SEM1: variants seen among roughly 807,000 people sequenced by gnomAD.
SEM1 encodes SEM1 26S proteasome subunit, also known as 26S proteasome complex subunit SEM1.
Under a neutral mutation model 12.7 loss-of-function variants are expected in SEM1, and 3 were observed. The observed-to-expected ratio is 0.24, with a 90% CI of 0.11 to 0.61. The LOEUF is 0.61. Among genes scored for constraint, SEM1 ranks in the 20% least tolerant of loss-of-function variants. The pLI is 0.88. For synonymous variants in SEM1, 30 were observed against 27.8 expected, an observed-to-expected ratio of 1.08 and a Z score of -0.25; for missense variants, 59 against 81.3, an observed-to-expected ratio of 0.73 and a Z score of 1.06.
At chr7:96,579,275 T>G (rs1806307174) in intron 2 of SEM1, among the ~76,000 whole-genome samples, 1 of 152,222 alleles carries the variant, frequency 6.6e-6, no homozygotes, top group African/African-American at 2.4e-5. Context: ...TGTAGCTTAG[T>G]AATGATATTA....
chr7:96,505,075 T>C (rs1461340890), intron 3 of SEM1, among the ~76,000 whole-genome samples: 2 of 151,964 alleles, frequency 1.3e-5, no homozygotes, highest in Admixed American at 1.3e-4. Context: ...TGGTGGTTTG[T>C]ATTTCTATCA....
intron 2 of SEM1, among the ~76,000 whole-genome samples, chr7:96,579,227 T>C (rs766309605): frequency 1.3e-5 from 2 of 152,210 alleles, no homozygotes; most frequent in Non-Finnish European, 2.9e-5. Context: ...ATGGTGCCAG[T>C]CATTACTACC....
rs371204197 is a variant in SEM1 at position 96,529,873 on chromosome 7, C to A, written c.171-23175G>T. ...ATATGTAAAGGAAGAGCTTTCACTG[C>A]GGTACTAATGCATTCTGAATTACAG... On this transcript the variant is annotated intron_variant and NMD_transcript_variant, in intron 2 of 3. Transcript: ENST00000466986. 2.6e-5 allele frequency among the ~76,000 whole-genome samples: 4 copies of A among 152,180 alleles called. No individual in the cohort carries two copies. The South Asian group carries it at 8.3e-4, about 32-fold the overall frequency.
At chr7:96,641,581 A>G (rs1808610682) in intron 2 of SEM1, among the ~76,000 whole-genome samples, 1 of 152,030 alleles carries the variant, frequency 6.6e-6, no homozygotes, top group Admixed American at 6.6e-5. Context: ...TACCTGTGCA[A>G]ACACATTGTA....
chr7:96,540,581 G>A (rs1804914345), intron 2 of SEM1, among the ~76,000 whole-genome samples: 1 of 151,740 alleles, frequency 6.6e-6, no homozygotes, highest in African/African-American at 2.4e-5. Context: ...AGATACCTTT[G>A]TAAATCAATA....
At chr7:96,588,383 C>G (rs377237999) in intron 2 of SEM1, among the ~76,000 whole-genome samples, 20,383 of 112,054 alleles carry the variant, frequency 0.18, 1,485 homozygotes, top group Admixed American at 0.21. Flanking sequence ...CACACACACA[C>G]ACACACACAC....
intron 3 of SEM1, among the ~76,000 whole-genome samples, chr7:96,505,206 A>T (rs959739526): frequency 1.3e-5 from 2 of 152,006 alleles, no homozygotes; most frequent in East Asian, 3.9e-4. Flanking sequence ...GGTTGAAGAG[A>T]TTCTTCTGCC....
At chr7:96,598,057 G>T (rs1323155927) in intron 2 of SEM1, among the ~76,000 whole-genome samples, 1 of 152,058 alleles carries the variant, frequency 6.6e-6, no homozygotes, top group African/African-American at 2.4e-5. Context: ...GTTTTTGAAT[G>T]AATTATAATT....
At chr7:96,541,321 T>C (rs1489798311) in intron 2 of SEM1, among the ~76,000 whole-genome samples, 4 of 151,854 alleles carry the variant, frequency 2.6e-5, no homozygotes, top group Admixed American at 1.3e-4. Context: ...TGGTTTTTAT[T>C]TACTTCCTCT....
intron 2 of SEM1, among the ~76,000 whole-genome samples, chr7:96,522,057 C>T (rs773491646): frequency 3.9e-5 from 6 of 152,170 alleles, no homozygotes; most frequent in Non-Finnish European, 7.4e-5. Context: ...GTCTTTGTTT[C>T]CCCTCTTTTC....
intron 2 of SEM1, among the ~76,000 whole-genome samples, chr7:96,508,761 C>A (rs1803835163): frequency 6.6e-6 from 1 of 152,074 alleles, no homozygotes; most frequent in Non-Finnish European, 1.5e-5. Context: ...AAGAAAATCA[C>A]CCTCATTCCA....
downstream of SEM1, chr7:96,672,856 G>A (rs1241496096): frequency 6.6e-6 from 1 of 152,188 alleles, no homozygotes; most frequent in Admixed American, 6.5e-5. Context: ...GAGTAGTATA[G>A]TGGCCAAAAA....
At chr7:96,556,331 G>C (rs1341506204) in intron 2 of SEM1, among the ~76,000 whole-genome samples, 12 of 152,030 alleles carry the variant, frequency 7.9e-5, no homozygotes, top group South Asian at 2.1e-4. Context: ...GCTGGTACCG[G>C]TTGTTCCTTT....
Sources: allele counts gnomAD v4.1 joint callset (sites outside exome capture counted in the v4.1 genomes callset), GRCh38; gene constraint gnomAD v4.1.1; transcripts MANE v1.5; gene names NCBI Gene and HGNC (gene_info 2026-07-23, HGNC 2026-07-21).